The following SP140 variants were observed in gnomAD, a reference collection of about 807,000 sequenced individuals.
SP140 encodes the protein nuclear body protein SP140.
A neutral mutation model predicts 125.0 loss-of-function variants in SP140; 81 were observed. The observed-to-expected ratio is 0.65, with a 90% CI of 0.54 to 0.78. The LOEUF (loss-of-function observed/expected upper bound fraction) is 0.78. SP140 is among the 30% of genes least tolerant of loss of function. The probability of loss-of-function intolerance (pLI) is 0.00; values close to 1 mark genes in which losing one functional copy is unlikely to be tolerated. For synonymous variants in SP140, 312 were observed against 354.0 expected (o/e 0.88, Z 1.33); for missense variants, 858 against 1,037.0 (o/e 0.83, Z 2.37).
rs1015428099 is a variant in SP140 at position 230,310,755 on chromosome 2, T to C, written c.2187T>C (p.Asn729=). Residue 729 remains asparagine, a synonymous_variant, in exon 24 of 27, where the codon AAT becomes AAC. Coordinates refer to ENST00000392045, the MANE Select transcript of SP140 (RefSeq NM_007237.5). ...PPVEAERTPW[N]CIFCRMKESP... is the part of the protein sequence containing the mutation. ...TCCAATCTCTCAGGACCCCGTGGAATTGCATCTTCTGCAGGATGAAGGAGT... is the reference window on the plus strand; with the variant it reads ...TCCAATCTCTCAGGACCCCGTGGAACTGCATCTTCTGCAGGATGAAGGAGT... 2.0e-6 allele frequency: 3 copies of C among 1,530,818 alleles called. No individual in the cohort carries two copies. Among genetic ancestry groups the C allele is most frequent in the African/African-American group, 1.4e-5 (1 of 71,956 alleles). 94.8% of individuals were successfully genotyped at this position (1,530,818 alleles called of 1,614,324 possible).
downstream of SP140, among the ~76,000 whole-genome samples, chr2:230,314,666 G>C (rs1311952194): frequency 6.6e-6 from 1 of 152,234 alleles, no homozygotes; most frequent in Non-Finnish European, 1.5e-5. Flanking sequence ...CAAGGATAGA[G>C]AAGTTGGTGT....
chr2:230,214,886 G>A (rs761116976), intron 3 of SP140: 23 of 1,405,968 alleles, frequency 1.6e-5, no homozygotes, highest in Non-Finnish European at 2.2e-5. Flanking sequence ...AGGGCTAGAA[G>A]TAAACCCAGA....
chr2:230,287,440 A>G (rs573099382), intron 17 of SP140, among the ~76,000 whole-genome samples: 23 of 152,192 alleles, frequency 1.5e-4, no homozygotes, highest in African/African-American at 3.1e-4. Context: ...TTAATTTTGT[A>G]GTTTTGTCTC....
In SP140 at chr2:230,226,762, C is replaced by CAAAAAAAAAAAAAAAAA. The variant is rs11323886; in HGVS notation, c.59+862_59+878dup. Among the ~76,000 whole-genome samples the CAAAAAAAAAAAAAAAAA allele has an allele frequency of 3.9e-3, 367 of 94,176 alleles. 3 individuals carry two copies. The highest frequency in any genetic ancestry group is 6.0e-3 in the Middle Eastern group (1 of 168). The allele number at this position is 94,176 out of a possible 152,430, so 61.8% of individuals were successfully genotyped here. On this transcript the variant is annotated intron_variant, in intron 1 of 26. Coordinates refer to ENST00000392045, the MANE Select transcript of SP140 (RefSeq NM_007237.5). ...GGGCAACAAGAGTGAAATTCCATCTCAAAAAAAAAAAAAAAAAAAGACAAG... is the reference window on the plus strand; with the variant it reads ...GGGCAACAAGAGTGAAATTCCATCTCAAAAAAAAAAAAAAAAAAAAAAAAAAAAAAAAAAAAGACAAG...
chr2:230,240,589 T>C (rs2048587476), intron 3 of SP140, among the ~76,000 whole-genome samples: 2 of 152,196 alleles, frequency 1.3e-5, no homozygotes, highest in Non-Finnish European at 1.5e-5. Context: ...ATGAGGGAAA[T>C]GCAAATTAAA....
At chr2:230,252,009 C>T (rs2050451814) in intron 10 of SP140, among the ~76,000 whole-genome samples, 2 of 151,896 alleles carry the variant, frequency 1.3e-5, no homozygotes, top group Non-Finnish European at 2.9e-5. Flanking sequence ...AGACTGAGTC[C>T]AATGTGGATG....
chr2:230,282,585 T>C (rs188796051), intron 15 of SP140, among the ~76,000 whole-genome samples: 1 of 152,198 alleles, frequency 6.6e-6, no homozygotes, highest in Admixed American at 6.5e-5. Flanking sequence ...TCACTTGAGG[T>C]CAGGAGTTCA....
At chr2:230,298,761 G>A (rs1446945280) in intron 22 of SP140, among the ~76,000 whole-genome samples, 1 of 152,176 alleles carries the variant, frequency 6.6e-6, no homozygotes. Flanking sequence ...ATTGTTTCCT[G>A]GATCCCACTT....
intron 3 of SP140, chr2:230,216,709 T>G: frequency 6.3e-7 from 1 of 1,578,318 alleles, no homozygotes. Flanking sequence ...TGGTGGTTTG[T>G]GGTTTGAGAC....
At chr2:230,286,778 T>C (rs1401382769) in intron 17 of SP140, among the ~76,000 whole-genome samples, 1 of 152,214 alleles carries the variant, frequency 6.6e-6, no homozygotes, top group African/African-American at 2.4e-5. Flanking sequence ...CCTACTTGCT[T>C]GGGACTTTCT....
At chr2:230,312,251 T>C (rs2059390029) in intron 26 of SP140, among the ~76,000 whole-genome samples, 1 of 152,242 alleles carries the variant, frequency 6.6e-6, no homozygotes, top group Non-Finnish European at 1.5e-5. Flanking sequence ...TTTAACCTGG[T>C]TAATGTAACT....
intron 22 of SP140, among the ~76,000 whole-genome samples, chr2:230,305,646 C>T (rs946085507): frequency 6.6e-5 from 10 of 152,296 alleles, no homozygotes; most frequent in African/African-American, 2.2e-4. Flanking sequence ...AGTGGTGGTT[C>T]GGCACTTGCA....
chr2:230,218,462 A>G (rs2045471826), intron 3 of SP140, among the ~76,000 whole-genome samples: 2 of 152,238 alleles, frequency 1.3e-5, no homozygotes, highest in Non-Finnish European at 2.9e-5. Context: ...GAAATCTACT[A>G]TCCACAATAT....
chr2:230,243,315 C>T (rs2048970470), intron 4 of SP140, among the ~76,000 whole-genome samples: 1 of 151,940 alleles, frequency 6.6e-6, no homozygotes, highest in Non-Finnish European at 1.5e-5. Context: ...TAGAAAGGCA[C>T]AATTGGGAGA....
At chr2:230,200,955 A>C, upstream of SP140, 1 of 1,612,946 alleles carries the variant, frequency 6.2e-7, no homozygotes, top group Non-Finnish European at 8.5e-7. Context: ...CTGAAGTGCC[A>C]TCAATGATCT....
chr2:230,282,628 TATCTAC>T (rs2055756978), intron 15 of SP140, among the ~76,000 whole-genome samples: 1 of 144,322 alleles, frequency 6.9e-6, no homozygotes, highest in African/African-American at 2.6e-5. Context: ...TGAGACCCCG[TATCTAC>T]ACACACACAC....
intron 11 of SP140, 70 bp from the exon 12 acceptor site, chr2:230,255,382 A>C: frequency 6.4e-7 from 1 of 1,551,594 alleles, no homozygotes; most frequent in Non-Finnish European, 8.9e-7. Flanking sequence ...CATCTTCACT[A>C]AGTTTTCTCT....
Position 230,247,925 on chromosome 2 carries a change from G to A in SP140, c.752G>A (p.Ser251Asn), listed in dbSNP as rs749833659. The change falls in exon 8 of 27, where the codon AGC becomes AAC. Residue 251 changes from serine (S) to asparagine (N), a missense_variant. Ser to Asn is a conservative substitution (Grantham distance 46, BLOSUM62 1). Transcript: ENST00000392045. ...LLPYDTEVLE[S>N]NGMIDAARTY... ...CTTTTTTGATCCCTAGTTCTAGAAA[G>A]CAACGGGATGATAGATGCGGCAAGG... 2.5e-6 allele frequency: 4 copies of A among 1,613,238 alleles called. No homozygotes were observed. In the Admixed American group the frequency reaches 5.0e-5, roughly 20 times the overall value.
intron 12 of SP140, among the ~76,000 whole-genome samples, chr2:230,261,130 A>T (rs1281518195): frequency 6.6e-6 from 1 of 152,080 alleles, no homozygotes; most frequent in East Asian, 1.9e-4. Flanking sequence ...AATGTTTTGT[A>T]GTTTTCCTTG....
Sources: gnomAD v4.1 joint callset for allele counts (sites outside exome capture counted in the v4.1 genomes callset) on GRCh38, gnomAD v4.1.1 for gene constraint, MANE v1.5 for transcripts, NCBI Gene and HGNC (gene_info 2026-07-23, HGNC 2026-07-21) for gene names.